Variants in PDE1C observed in about 807,000 individuals in gnomAD.
PDE1C encodes dual specificity calcium/calmodulin-dependent 3',5'-cyclic nucleotide phosphodiesterase 1C.
Under a neutral mutation model 93.1 loss-of-function variants are expected in PDE1C, and 62 were observed. That is an observed-to-expected ratio of 0.67 (90% CI 0.54 to 0.82). The LOEUF is 0.82. Ranked by LOEUF, PDE1C falls within the 40% of genes least tolerant of loss-of-function variation. The probability of loss-of-function intolerance (pLI) is 0.00; values close to 1 mark genes in which losing one functional copy is unlikely to be tolerated. For synonymous variants in PDE1C, 325 were observed against 310.1 expected (o/e 1.05, Z -0.50); for missense variants, 742 against 884.6 (o/e 0.84, Z 2.04).
intron 9 of PDE1C, 102 bp downstream of exon 9, chr7:31,847,866 C>A: frequency 8.1e-7 from 1 of 1,238,806 alleles, no homozygotes; most frequent in Non-Finnish European, 1.2e-6. Context: ...CAACACGAAT[C>A]AACATTTTAA....
intron 3 of PDE1C, among the ~76,000 whole-genome samples, chr7:32,147,819 T>A (rs1281138230): frequency 1.7e-4 from 26 of 151,954 alleles, no homozygotes; most frequent in Admixed American, 1.7e-3. Flanking sequence ...GAAAGGGCCT[T>A]AACTGGCTGA....
chr7:32,212,410 C>T (rs900414439), intron 1 of PDE1C, among the ~76,000 whole-genome samples: 31 of 152,280 alleles, frequency 2.0e-4, no homozygotes, highest in African/African-American at 7.5e-4. Context: ...AGGAGAGTTT[C>T]CTCTATCCAG....
intron 1 of PDE1C, among the ~76,000 whole-genome samples, chr7:32,416,989 C>T (rs182578681): frequency 2.2e-4 from 34 of 152,206 alleles, no homozygotes; most frequent in African/African-American, 8.2e-4. Flanking sequence ...CCATAAACAC[C>T]CACCCCATGC....
intron 3 of PDE1C, among the ~76,000 whole-genome samples, chr7:32,108,165 A>G (rs1455999002): frequency 6.7e-6 from 1 of 150,298 alleles, no homozygotes; most frequent in Non-Finnish European, 1.5e-5. Flanking sequence ...AATCACCTTA[A>G]AAGTGAGTGA....
intron 17 of PDE1C, among the ~76,000 whole-genome samples, chr7:31,762,303 A>G (rs1583966643): frequency 6.6e-6 from 1 of 152,276 alleles, no homozygotes; most frequent in East Asian, 1.9e-4. Context: ...TTCAAGGTAT[A>G]TTTCATATTA....
the PDE1C span, chr7:31,651,823 G>C: frequency 1.7e-6 from 1 of 604,968 alleles, no homozygotes; most frequent in Non-Finnish European, 2.9e-6. Context: ...CACAAATAAA[G>C]ATGACATTCT....
At chr7:31,968,122 G>A (rs1221028048) in intron 2 of PDE1C, among the ~76,000 whole-genome samples, 1 of 152,162 alleles carries the variant, frequency 6.6e-6, no homozygotes, top group Non-Finnish European at 1.5e-5. Flanking sequence ...AATCAGGCAG[G>A]AGAAGGAAAT....
chr7:32,143,627 C>T (rs536639172), intron 3 of PDE1C, among the ~76,000 whole-genome samples: 45 of 152,202 alleles, frequency 3.0e-4, no homozygotes, highest in Non-Finnish European at 5.3e-4. Flanking sequence ...ACTTGTTATT[C>T]AACAAGTTGT....
the PDE1C span, among the ~76,000 whole-genome samples, chr7:31,731,543 C>A: frequency 6.6e-6 from 1 of 152,036 alleles, no homozygotes; most frequent in East Asian, 1.9e-4. Flanking sequence ...GGCACGTAAT[C>A]CTAGCCTGGC....
At chr7:31,679,501 T>A in the PDE1C span, among the ~76,000 whole-genome samples, 2 of 152,212 alleles carry the variant, frequency 1.3e-5, no homozygotes, top group African/African-American at 4.8e-5. Context: ...AAAACCTTAG[T>A]CAACACTTTT....
the PDE1C span, among the ~76,000 whole-genome samples, chr7:31,673,668 A>G: frequency 1.3e-5 from 2 of 150,030 alleles, no homozygotes; most frequent in African/African-American, 4.9e-5. Flanking sequence ...TACATTGCCT[A>G]TTTTAACCTA....
chr7:31,651,578 A>T, the PDE1C span, among the ~76,000 whole-genome samples: 1 of 152,056 alleles, frequency 6.6e-6, no homozygotes, highest in African/African-American at 2.4e-5. Context: ...GAGTTTTGAA[A>T]ATCTGCATTG....
At chr7:31,806,380 A>G (rs1371605187) in intron 16 of PDE1C, among the ~76,000 whole-genome samples, 1 of 152,020 alleles carries the variant, frequency 6.6e-6, no homozygotes, top group Non-Finnish European at 1.5e-5. Flanking sequence ...GGTAACCCAC[A>G]AATCTTCCGA....
At chr7:31,798,239 A>G in intron 16 of PDE1C, among the ~76,000 whole-genome samples, 1 of 151,772 alleles carries the variant, frequency 6.6e-6, no homozygotes, top group East Asian at 1.9e-4. Context: ...GGTCACAAGT[A>G]TTCATTTCAG....
chr7:31,639,501 A>G, the PDE1C span, among the ~76,000 whole-genome samples: 2 of 149,944 alleles, frequency 1.3e-5, no homozygotes, highest in Non-Finnish European at 1.5e-5. Flanking sequence ...CTTCTTGAAC[A>G]TACAGGATAT....
chr7:32,287,443 G>T (rs1812065674), intron 1 of PDE1C, among the ~76,000 whole-genome samples: 1 of 152,174 alleles, frequency 6.6e-6, no homozygotes, highest in African/African-American at 2.4e-5. Flanking sequence ...AGATACCCCT[G>T]CTGGGCATGA....
At chr7:32,394,255 G>C (rs1010053030) in intron 1 of PDE1C, among the ~76,000 whole-genome samples, 3 of 152,218 alleles carry the variant, frequency 2.0e-5, no homozygotes, top group Non-Finnish European at 2.9e-5. Context: ...AGGGAAAACA[G>C]TCAAAAGAGT....
At chr7:32,144,174 C>G (rs1415661210) in intron 3 of PDE1C, among the ~76,000 whole-genome samples, 2 of 152,164 alleles carry the variant, frequency 1.3e-5, no homozygotes, top group Non-Finnish European at 2.9e-5. Context: ...CAGAGAGACA[C>G]TATATCAGCT....
intron 2 of PDE1C, among the ~76,000 whole-genome samples, chr7:31,977,551 C>T (rs1301780776): frequency 6.6e-6 from 1 of 152,136 alleles, no homozygotes; most frequent in Non-Finnish European, 1.5e-5. Context: ...CACCTCCACC[C>T]CATGTCACCA....
Sources: gnomAD v4.1 joint callset for allele counts (sites outside exome capture counted in the v4.1 genomes callset) on GRCh38, gnomAD v4.1.1 for gene constraint, MANE v1.5 for transcripts, NCBI Gene and HGNC (gene_info 2026-07-23, HGNC 2026-07-21) for gene names.